Variants in DAB1 observed in about 807,000 individuals in gnomAD.
DAB1 encodes disabled homolog 1.
In DAB1, 15 loss-of-function variants were observed where a neutral mutation model predicts 64.6. That is an observed-to-expected ratio of 0.23 (90% confidence interval 0.16 to 0.36). The LOEUF (loss-of-function observed/expected upper bound fraction) is 0.36. DAB1 is among the 10% of genes least tolerant of loss of function. DAB1 has a pLI of 1.00. For synonymous variants in DAB1, 235 were observed against 251.9 expected, an observed-to-expected ratio of 0.93 and a Z score of 0.64; for missense variants, 596 against 706.7, an observed-to-expected ratio of 0.84 and a Z score of 1.78.
At chr1:58,390,678 A>G (rs1569719660) in intron 3 of DAB1, among the ~76,000 whole-genome samples, 1 of 152,198 alleles carries the variant, frequency 6.6e-6, no homozygotes, top group South Asian at 2.1e-4. Context: ...TATAGGTAAC[A>G]CTGAGTGCTT....
At chr1:58,398,450 AC>A (rs1644541575) in intron 3 of DAB1, among the ~76,000 whole-genome samples, 1 of 152,220 alleles carries the variant, frequency 6.6e-6, no homozygotes, top group African/African-American at 2.4e-5. Context: ...CGTCCAAGCC[AC>A]ACAGTTGTAA....
At chr1:57,392,668 A>T (rs2101006086) in intron 1 of DAB1, among the ~76,000 whole-genome samples, 1 of 152,348 alleles carries the variant, frequency 6.6e-6, no homozygotes, top group East Asian at 1.9e-4. Flanking sequence ...AGAAGCACTA[A>T]ATTCATCCAG....
chr1:57,505,641 A>G (rs1644335086), intron 7 of DAB1, among the ~76,000 whole-genome samples: 1 of 152,174 alleles, frequency 6.6e-6, no homozygotes. Context: ...TCCTGATTTC[A>G]AAGTTATAGC....
intron 6 of DAB1, among the ~76,000 whole-genome samples, chr1:57,782,578 C>A (rs1650150487): frequency 6.6e-6 from 1 of 152,178 alleles, no homozygotes; most frequent in African/African-American, 2.4e-5. Flanking sequence ...GCATTTATAT[C>A]TTCTAGAACC....
chr1:58,128,412 C>T (rs1168121889), intron 5 of DAB1, among the ~76,000 whole-genome samples: 1 of 136,804 alleles, frequency 7.3e-6, no homozygotes, highest in African/African-American at 2.9e-5. Flanking sequence ...CAAACAGGGA[C>T]AATTTGACTT....
At chr1:58,233,025 G>T (rs1307834115) in intron 4 of DAB1, among the ~76,000 whole-genome samples, 1 of 152,166 alleles carries the variant, frequency 6.6e-6, no homozygotes, top group African/African-American at 2.4e-5. Context: ...ACTCTATGTA[G>T]CACATAGTAG....
At chr1:57,301,599 G>C (rs773423569) in intron 1 of DAB1, among the ~76,000 whole-genome samples, 1 of 152,146 alleles carries the variant, frequency 6.6e-6, no homozygotes. Context: ...AACAAACGCC[G>C]CATTTGGCAG....
intron 1 of DAB1, among the ~76,000 whole-genome samples, chr1:57,398,579 C>T (rs1462805790): frequency 6.6e-6 from 1 of 152,198 alleles, no homozygotes; most frequent in African/African-American, 2.4e-5. Flanking sequence ...AAACCTCTCC[C>T]TATCCAGAAA....
At chr1:57,717,321 A>G (rs1304708646) in intron 6 of DAB1, among the ~76,000 whole-genome samples, 2 of 152,048 alleles carry the variant, frequency 1.3e-5, no homozygotes, top group Admixed American at 1.3e-4. Flanking sequence ...CATGAAAAAA[A>G]TGATCAAAAA....
intron 3 of DAB1, among the ~76,000 whole-genome samples, chr1:58,403,161 A>G (rs578127471): frequency 6.6e-6 from 1 of 152,186 alleles, no homozygotes; most frequent in African/African-American, 2.4e-5. Flanking sequence ...CCAATGTCCA[A>G]AGACTGTCCC....
At chr1:57,057,983 A>G (rs1224632714) in intron 9 of DAB1, among the ~76,000 whole-genome samples, 4 of 152,190 alleles carry the variant, frequency 2.6e-5, no homozygotes, top group African/African-American at 9.7e-5. Context: ...AAAATTAAAG[A>G]GTTTTAATGA....
chr1:57,054,315 G>A (rs1290034637), intron 9 of DAB1, among the ~76,000 whole-genome samples: 1 of 152,100 alleles, frequency 6.6e-6, no homozygotes, highest in East Asian at 1.9e-4. Flanking sequence ...GTCTGAAATA[G>A]GCACTTGAGT....
intron 6 of DAB1, among the ~76,000 whole-genome samples, chr1:57,727,054 G>A (rs747639171): frequency 6.6e-6 from 1 of 152,170 alleles, no homozygotes; most frequent in African/African-American, 2.4e-5. Context: ...GAATGATGGC[G>A]AGAAACAATG....
At chr1:58,508,653 C>CT (rs1184989246) in intron 2 of DAB1, among the ~76,000 whole-genome samples, 1 of 152,052 alleles carries the variant, frequency 6.6e-6, no homozygotes, top group Non-Finnish European at 1.5e-5. Context: ...AAGAGCTGCC[C>CT]TAGGAACTGG....
At chr1:58,407,874 T>C (rs903876430) in intron 3 of DAB1, among the ~76,000 whole-genome samples, 20 of 152,206 alleles carry the variant, frequency 1.3e-4, no homozygotes, top group African/African-American at 4.8e-4. Context: ...GGCTTCCCAC[T>C]GCCCTTCAAA....
Position 58,128,626 on chromosome 1 carries a change from G to A in DAB1, n.387+21885C>T, listed in dbSNP as rs1317398559. Among the ~76,000 whole-genome samples the A allele has an allele frequency of 7.8e-4, 97 of 125,034 alleles. 2 individuals are homozygous for A. The highest frequency in any genetic ancestry group is 2.9e-3 in the East Asian group (8 of 2,758). 82.0% of individuals were successfully genotyped at this position (125,034 alleles called of 152,430 possible). On this transcript the variant is annotated intron_variant and non_coding_transcript_variant, in intron 5 of 20. Transcript: ENST00000485760. Reference sequence around the variant, plus strand: ...GATAGCTCTTATTATTTTTAAATACGTCCCATCAATACCTAATTTATTGAG... The same window carrying A: ...GATAGCTCTTATTATTTTTAAATACATCCCATCAATACCTAATTTATTGAG...
intron 6 of DAB1, among the ~76,000 whole-genome samples, chr1:57,650,317 A>ATT (rs35011728): frequency 2.0e-5 from 3 of 151,814 alleles, no homozygotes; most frequent in Non-Finnish European, 1.5e-5. Flanking sequence ...TAATTTTTGC[A>ATT]TTTTTTTATA....
At chr1:58,358,976 A>ACACACACACACACACACACACACACT (rs1644138540) in intron 3 of DAB1, among the ~76,000 whole-genome samples, 1 of 145,752 alleles carries the variant, frequency 6.9e-6, no homozygotes, top group Admixed American at 6.9e-5. Flanking sequence ...ACACACACAC[A>ACACACACACACACACACACACACACT]CTCAAAGGAT....
At chr1:58,370,346 G>C (rs1034470434) in intron 3 of DAB1, among the ~76,000 whole-genome samples, 1 of 150,650 alleles carries the variant, frequency 6.6e-6, no homozygotes, top group African/African-American at 2.4e-5. Flanking sequence ...AATATAAAAA[G>C]ATACTGTATG....
Sources: allele counts gnomAD v4.1 joint callset (sites outside exome capture counted in the v4.1 genomes callset), GRCh38; gene constraint gnomAD v4.1.1; transcripts MANE v1.5; gene names NCBI Gene and HGNC (gene_info 2026-07-23, HGNC 2026-07-21).